FRYL: variants seen among roughly 807,000 people sequenced by gnomAD.
FRYL encodes the protein protein furry homolog-like.
FRYL carries 150 observed loss-of-function variants against 351.2 expected under a neutral mutation model. That is an observed-to-expected ratio of 0.43 (90% CI 0.37 to 0.49). FRYL has a LOEUF of 0.49. Ranked by LOEUF, FRYL falls within the 20% of genes least tolerant of loss-of-function variation. FRYL has a pLI of 0.00. For missense variants in FRYL, 3,036 were observed against 3,619.3 expected (o/e 0.84, Z 4.13); for synonymous variants, 1,153 against 1,257.1 (o/e 0.92, Z 1.75).
chr4:48,636,106 G>A (rs1249326864), intron 3 of FRYL, among the ~76,000 whole-genome samples: 3 of 152,022 alleles, frequency 2.0e-5, no homozygotes, highest in Non-Finnish European at 2.9e-5. Context: ...ATTCTAGAAC[G>A]AAAATTATAT....
intron 4 of FRYL, among the ~76,000 whole-genome samples, chr4:48,632,983 G>A (rs931172013): frequency 3.3e-5 from 5 of 152,216 alleles, no homozygotes; most frequent in Middle Eastern, 3.4e-3. Context: ...TAACTCCTCA[G>A]TGCGCCGTCA....
At chr4:48,745,045 G>T (rs1772513051) in intron 1 of FRYL, among the ~76,000 whole-genome samples, 1 of 152,136 alleles carries the variant, frequency 6.6e-6, no homozygotes, top group African/African-American at 2.4e-5. Context: ...AAGAAATAAG[G>T]TCAAAAAGCT....
intron 55 of FRYL, among the ~76,000 whole-genome samples, chr4:48,516,098 T>C (rs1723536788): frequency 6.6e-6 from 1 of 152,188 alleles, no homozygotes; most frequent in African/African-American, 2.4e-5. Flanking sequence ...CATTTTGGCT[T>C]TGAGTATTGA....
At chr4:48,578,666 T>C (rs17656189) in intron 23 of FRYL, among the ~76,000 whole-genome samples, 4,427 of 152,314 alleles carry the variant, frequency 0.029, 79 homozygotes, top group Admixed American at 0.046. Flanking sequence ...ACATCCATAC[T>C]CATCCTTAGA....
intron 1 of FRYL, among the ~76,000 whole-genome samples, chr4:48,761,778 G>A (rs1774445332): frequency 6.6e-6 from 1 of 152,158 alleles, no homozygotes; most frequent in Admixed American, 6.5e-5. Context: ...TGTAGCCTAG[G>A]AGCAAGAGAC....
rs1362882195 is a variant in FRYL, at chr4:48,570,858, G to C, written c.2965C>G (p.Leu989Val). Residue 989 changes from leucine to valine, a missense_variant, in exon 27 of 64, where the codon CTG becomes GTG. Physicochemically the swap from Leu to Val is conservative, Grantham distance 32 (BLOSUM62 1). Around this residue, in one of 7 missense-constraint regions of FRYL, gnomAD observed 492 missense variants for 551.5 expected, o/e 0.89. Coordinates refer to ENST00000358350, the MANE Select transcript of FRYL (RefSeq NM_015030.2). ...LRVQLVRIFE[L>V]LADAGVISHS... Reference sequence around the variant, plus strand: ...CTAATGACACCAGCATCTGCCAGCAGTTCAAATATTCGTACCAGTTGTACT... The same window carrying C: ...CTAATGACACCAGCATCTGCCAGCACTTCAAATATTCGTACCAGTTGTACT... The C allele has an allele frequency of 1.9e-6, 3 of 1,613,728 alleles. No homozygotes were observed. The highest frequency in any genetic ancestry group is 1.7e-5 in the Admixed American group (1 of 60,024).
intron 3 of FRYL, among the ~76,000 whole-genome samples, chr4:48,677,567 T>G (rs1217552777): frequency 1.3e-5 from 2 of 152,024 alleles, no homozygotes; most frequent in Non-Finnish European, 2.9e-5. Context: ...CCTGCCACCA[T>G]GCCCGGCTAA....
intron 3 of FRYL, chr4:48,636,967 G>T (rs958519708): frequency 2.0e-5 from 3 of 152,032 alleles, no homozygotes; most frequent in Non-Finnish European, 4.4e-5. Context: ...AATGGCACAG[G>T]AAAGTGTTCA....
chr4:48,566,526 C>G (rs1245977877), intron 28 of FRYL, among the ~76,000 whole-genome samples: 1 of 152,160 alleles, frequency 6.6e-6, no homozygotes, highest in African/African-American at 2.4e-5. Flanking sequence ...ATTTTCCTTT[C>G]AAAGATGAAA....
At chr4:48,539,131 G>A (rs1476898909) in intron 47 of FRYL, among the ~76,000 whole-genome samples, 1 of 151,992 alleles carries the variant, frequency 6.6e-6, no homozygotes, top group Non-Finnish European at 1.5e-5. Context: ...TTAAACAAAT[G>A]TTAACAGATG....
intron 3 of FRYL, among the ~76,000 whole-genome samples, chr4:48,643,465 T>TA (rs2149400892): frequency 6.6e-6 from 1 of 152,272 alleles, no homozygotes; most frequent in East Asian, 1.9e-4. Context: ...TATAACTGTA[T>TA]ACCTAAAGGT....
chr4:48,619,057 T>C (rs1292121027), intron 7 of FRYL: 2 of 393,716 alleles, frequency 5.1e-6, no homozygotes, highest in Non-Finnish European at 9.0e-6. Flanking sequence ...CAAGATTTTA[T>C]ATCTTGGATA....
At chr4:48,572,130 T>A in intron 26 of FRYL, 1 of 320,078 alleles carries the variant, frequency 3.1e-6, no homozygotes. Context: ...CTCTCCTGCT[T>A]AAATTCCTCA....
rs745783995 is a variant in FRYL at position 48,589,854 on chromosome 4, C to T, written c.1531G>A (p.Val511Ile). ...AGGATGCTATCTAATGCTTTTCTTA[C>T]TTGAGGATAGTAAACTGACATTCCT... ...VIGMSVYYPQ[V>I]RKALDSILRH... is the part of the protein sequence containing the mutation. The change falls in exon 18 of 64, where the codon GTA becomes ATA. Residue 511 changes from valine (V) to isoleucine (I), a missense_variant. By Grantham distance (29) the Val-to-Ile change is conservative. Coordinates refer to ENST00000358350, the MANE Select transcript of FRYL (RefSeq NM_015030.2). 3.7e-6 allele frequency: 6 copies of T among 1,613,194 alleles called. No individual in the cohort carries two copies. In the South Asian group the frequency reaches 6.6e-5, roughly 18 times the overall value.
chr4:48,778,165 G>A (rs1417029965), intron 1 of FRYL, among the ~76,000 whole-genome samples: 1 of 152,166 alleles, frequency 6.6e-6, no homozygotes, highest in African/African-American at 2.4e-5. Context: ...AATTCTGTGA[G>A]AAGAATAGAT....
chr4:48,659,403 AG>A (rs1340674257), intron 3 of FRYL, among the ~76,000 whole-genome samples: 2 of 3,624 alleles, frequency 5.5e-4, no homozygotes, highest in Admixed American at 7.2e-3. Context: ...AAGAAGGAGA[AG>A]GAGAAGGAGA....
chr4:48,526,222 G>C (rs1469204421), intron 53 of FRYL, among the ~76,000 whole-genome samples: 1 of 152,092 alleles, frequency 6.6e-6, no homozygotes, highest in East Asian at 1.9e-4. Flanking sequence ...ATCAAGATAT[G>C]GTATACAGAT....
At chr4:48,506,614 TAATATATATATATATATA>T (rs1226748226) in intron 59 of FRYL, 22 of 78,006 alleles carry the variant, frequency 2.8e-4, no homozygotes, top group South Asian at 5.1e-4. Flanking sequence ...ACAATACAAC[TAATATATATATATATATA>T]TATATATATA....
intron 3 of FRYL, among the ~76,000 whole-genome samples, chr4:48,661,299 C>A (rs1001622182): frequency 6.6e-6 from 1 of 152,136 alleles, no homozygotes; most frequent in African/African-American, 2.4e-5. Context: ...CAACATTGTA[C>A]AAAGTATATG....
Sources: allele counts gnomAD v4.1 joint callset (sites outside exome capture counted in the v4.1 genomes callset), GRCh38; gene constraint gnomAD v4.1.1; regional missense constraint gnomAD v4.1.1; transcripts MANE v1.5; gene names NCBI Gene and HGNC (gene_info 2026-07-23, HGNC 2026-07-21).